Variants in JPT1 observed in about 807,000 individuals in gnomAD.
JPT1 encodes the protein androgen-regulated protein 2.
JPT1 carries 5 observed loss-of-function variants against 17.0 expected under a neutral mutation model. The observed-to-expected ratio is 0.29, with a 90% CI of 0.15 to 0.62. The LOEUF is 0.62. Among genes scored for constraint, JPT1 ranks in the 20% least tolerant of loss-of-function variants. JPT1 has a pLI of 0.85. For synonymous variants in JPT1, 71 were observed against 73.6 expected, an observed-to-expected ratio of 0.96 and a Z score of 0.18; for missense variants, 158 against 188.1, an observed-to-expected ratio of 0.84 and a Z score of 0.94.
At chr17:75,142,411 T>C (rs1004569793) in intron 4 of JPT1, among the ~76,000 whole-genome samples, 4 of 150,254 alleles carry the variant, frequency 2.7e-5, no homozygotes, top group African/African-American at 9.8e-5. Flanking sequence ...AAAAAAAAAA[T>C]TAGCCGGGCG....
chr17:75,140,765 G>A (rs1228872945), intron 4 of JPT1, among the ~76,000 whole-genome samples: 1 of 152,018 alleles, frequency 6.6e-6, no homozygotes, highest in African/African-American at 2.4e-5. Flanking sequence ...GGACCAGCCG[G>A]GGGAAACATA....
intron 4 of JPT1, among the ~76,000 whole-genome samples, chr17:75,144,820 AC>A (rs1256880362): frequency 2.0e-5 from 3 of 151,984 alleles, no homozygotes; most frequent in East Asian, 1.9e-4. Flanking sequence ...GTGGGGAGAA[AC>A]CCCCCATATT....
At chr17:75,147,522 G>GAA (rs1375604807) in intron 3 of JPT1, 34 bp downstream of exon 3, 3 of 1,442,232 alleles carry the variant, frequency 2.1e-6, no homozygotes, top group Admixed American at 1.7e-5. Context: ...ATATTGACCT[G>GAA]AAAGCCTTTC....
intron 3 of JPT1, 144 bp downstream of exon 3, chr17:75,147,412 A>G (rs950079933): frequency 3.4e-6 from 2 of 595,950 alleles, no homozygotes; most frequent in African/African-American, 1.8e-5. Flanking sequence ...TGATTTTACT[A>G]TCAATCTTCC....
At chr17:75,142,719 AGAAG>A (rs1404024102) in intron 4 of JPT1, 2 of 454,272 alleles carry the variant, frequency 4.4e-6, no homozygotes, top group African/African-American at 4.0e-5. Flanking sequence ...AGAGGAGGGA[AGAAG>A]GAAGGAAGCA....
rs762319398 is a variant in JPT1 at position 75,136,175 on chromosome 17, C to T, written c.392G>A (p.Ser131Asn). 1.9e-6 allele frequency: 3 copies of T among 1,614,144 alleles called. No individual in the cohort carries two copies. Among genetic ancestry groups the T allele is most frequent in the South Asian group, 1.1e-5 (1 of 91,076 alleles). Residue 131 changes from serine to asparagine, a missense_variant, in exon 5 of 5, where the codon AGC (serine) becomes AAC (asparagine). Coordinates refer to ENST00000409753, the MANE Select transcript of JPT1 (RefSeq NM_016185.4). Reference sequence around the variant, plus strand: ...TGGCACTGGGGCCGGGGCCACCGGGCTGGGCACAGGCGCAGCAGGCACGGG... The same window carrying T: ...TGGCACTGGGGCCGGGGCCACCGGGTTGGGCACAGGCGCAGCAGGCACGGG... ...EKPVPAAPVP[S>N]PVAPAPVPSR... is the part of the protein sequence containing the mutation.
chr17:75,150,243 A>G (rs966740428), intron 1 of JPT1, among the ~76,000 whole-genome samples: 8 of 151,358 alleles, frequency 5.3e-5, no homozygotes, highest in African/African-American at 1.7e-4. Context: ...TTATAGAAAT[A>G]CTTTTTTTTC....
chr17:75,137,324 T>TTTTGTTTG (rs60045220), intron 4 of JPT1, among the ~76,000 whole-genome samples: 8 of 150,428 alleles, frequency 5.3e-5, no homozygotes, highest in African/African-American at 2.0e-4. Context: ...TTTTTAGTTT[T>TTTTGTTTG]TTTGTTTGTT....
At chr17:75,137,812 T>G (rs969367185) in intron 4 of JPT1, among the ~76,000 whole-genome samples, 3 of 147,256 alleles carry the variant, frequency 2.0e-5, no homozygotes, top group Non-Finnish European at 4.4e-5. Flanking sequence ...CATGCCTGAT[T>G]AATTTTTGTA....
At chr17:75,142,556 T>A (rs1485498083) in intron 4 of JPT1, among the ~76,000 whole-genome samples, 1 of 130,922 alleles carries the variant, frequency 7.6e-6, no homozygotes, top group African/African-American at 2.8e-5. Flanking sequence ...CTAAACTCCG[T>A]CAAGGGGGGA....
chr17:75,141,375 G>A (rs575871221), intron 4 of JPT1: 4 of 152,260 alleles, frequency 2.6e-5, no homozygotes, highest in Admixed American at 6.5e-5. Flanking sequence ...TAAAAAGGCC[G>A]GGCACAATAG....
rs144045490 is a variant in JPT1 at position 75,144,512 on chromosome 17, G to C, written c.316+2154C>G. Among the ~76,000 whole-genome samples the C allele has an allele frequency of 2.4e-3, 365 of 151,430 alleles. 2 individuals are homozygous for C. The highest frequency in any genetic ancestry group is 8.3e-3 in the African/African-American group (341 of 41,246). On this transcript the variant is annotated intron_variant, in intron 4 of 4. Coordinates refer to ENST00000409753, the MANE Select transcript of JPT1 (RefSeq NM_016185.4). The stretch of plus-strand genomic sequence containing the variant: ...GGACAACAGAGCAAGATTCAGTTTA[G>C]AAAAAAATAAAAAAAAATGTATCAT...
At chr17:75,137,157 CAAA>C (rs912256396) in intron 4 of JPT1, among the ~76,000 whole-genome samples, 1 of 151,902 alleles carries the variant, frequency 6.6e-6, no homozygotes, top group African/African-American at 2.4e-5. Context: ...TCTCTGACAG[CAAA>C]AAAACTGGAA....
chr17:75,147,497 A>G (rs773033293), intron 3 of JPT1, 59 bp downstream of exon 3: 40 of 1,211,244 alleles, frequency 3.3e-5, no homozygotes, highest in Admixed American at 8.7e-5. Flanking sequence ...AACTCTTAGT[A>G]CAAATTTCAG....
At chr17:75,140,450 G>A (rs140104155) in intron 4 of JPT1, among the ~76,000 whole-genome samples, 57 of 152,190 alleles carry the variant, frequency 3.7e-4, no homozygotes, top group Non-Finnish European at 5.6e-4. Flanking sequence ...AAATGTAGCC[G>A]ACCATCTAAC....
intron 1 of JPT1, chr17:75,149,007 G>A: frequency 7.9e-7 from 1 of 1,272,846 alleles, no homozygotes; most frequent in Non-Finnish European, 1.0e-6. Flanking sequence ...TACTGGGCTT[G>A]GCTGAATATA....
chr17:75,137,337 T>C (rs2074217917), intron 4 of JPT1, among the ~76,000 whole-genome samples: 1 of 151,498 alleles, frequency 6.6e-6, no homozygotes, highest in Non-Finnish European at 1.5e-5. Flanking sequence ...TGTTTGTTTG[T>C]TTTTTGTGGA....
At chr17:75,151,450 G>T (rs372586195) in intron 1 of JPT1, among the ~76,000 whole-genome samples, 3 of 152,086 alleles carry the variant, frequency 2.0e-5, no homozygotes, top group Non-Finnish European at 2.9e-5. Context: ...AAGGTCAAGA[G>T]ATCAAGACCA....
intron 1 of JPT1, chr17:75,149,315 G>A (rs2074499829): frequency 3.6e-6 from 1 of 280,106 alleles, no homozygotes; most frequent in South Asian, 3.0e-5. Flanking sequence ...TGTTCACACC[G>A]CTGAACTCCA....
Sources: gnomAD v4.1 joint callset for allele counts (sites outside exome capture counted in the v4.1 genomes callset) on GRCh38, gnomAD v4.1.1 for gene constraint, MANE v1.5 for transcripts, NCBI Gene and HGNC (gene_info 2026-07-23, HGNC 2026-07-21) for gene names.